Variants in SPAG16 observed in about 807,000 individuals in gnomAD.
SPAG16 encodes sperm associated antigen 16.
In SPAG16, 86 loss-of-function variants were observed where a neutral mutation model predicts 80.4. The ratio of observed to expected loss-of-function variants is 1.07; its 90% CI spans 0.90 to 1.28. The LOEUF is 1.28. SPAG16 is among the 50% of genes most tolerant of loss of function. SPAG16 has a pLI of 0.00. For missense variants in SPAG16, 870 were observed against 765.3 expected, an observed-to-expected ratio of 1.14 and a Z score of -1.61; for synonymous variants, 294 against 265.9, an observed-to-expected ratio of 1.11 and a Z score of -1.03.
intron 15 of SPAG16, among the ~76,000 whole-genome samples, chr2:214,392,403 G>A (rs772986850): frequency 7.2e-5 from 11 of 151,960 alleles, no homozygotes; most frequent in Non-Finnish European, 1.5e-4. Context: ...TGATCCACCC[G>A]CCTCAGCCTC....
intron 10 of SPAG16, among the ~76,000 whole-genome samples, chr2:213,658,469 C>T (rs970610014): frequency 2.6e-5 from 4 of 152,128 alleles, no homozygotes; most frequent in South Asian, 2.1e-4. Context: ...TCTTCTTTAT[C>T]CCTGTACCTT....
intron 15 of SPAG16, among the ~76,000 whole-genome samples, chr2:214,258,461 A>ATGTGTGTGTGTG (rs1319528567): frequency 7.3e-5 from 8 of 109,386 alleles, no homozygotes; most frequent in African/African-American, 2.3e-4. Flanking sequence ...GTGTGTATGT[A>ATGTGTGTGTGTG]TGTGTGTGTG....
chr2:213,786,006 T>TAA (rs769518490), intron 10 of SPAG16, among the ~76,000 whole-genome samples: 1 of 140,770 alleles, frequency 7.1e-6, no homozygotes, highest in Non-Finnish European at 1.6e-5. Context: ...AAACTCCGTC[T>TAA]AAAAAAAAAA....
intron 10 of SPAG16, among the ~76,000 whole-genome samples, chr2:213,659,750 T>C (rs1033381575): frequency 8.5e-5 from 13 of 152,174 alleles, no homozygotes; most frequent in Non-Finnish European, 1.6e-4. Context: ...GTATTTTTTT[T>C]CCATTTTCTA....
intron 10 of SPAG16, among the ~76,000 whole-genome samples, chr2:213,580,909 G>GT (rs201266448): frequency 1.3e-5 from 2 of 151,948 alleles, no homozygotes; most frequent in African/African-American, 2.4e-5. Context: ...GTGTGTGTGT[G>GT]TTTTTTTACT....
intron 10 of SPAG16, among the ~76,000 whole-genome samples, chr2:213,669,320 G>A (rs560275489): frequency 1.3e-5 from 2 of 152,284 alleles, no homozygotes; most frequent in African/African-American, 2.4e-5. Context: ...TGGGATAGAA[G>A]AGTAAACATT....
chr2:214,050,333 G>A (rs1395212733), intron 13 of SPAG16, among the ~76,000 whole-genome samples: 3 of 151,722 alleles, frequency 2.0e-5, no homozygotes, highest in African/African-American at 4.8e-5. Flanking sequence ...CGGATCCCAG[G>A]ACTGCATATT....
At chr2:214,381,014 G>A (rs1700417446) in intron 15 of SPAG16, among the ~76,000 whole-genome samples, 1 of 152,202 alleles carries the variant, frequency 6.6e-6, no homozygotes, top group African/African-American at 2.4e-5. Flanking sequence ...TGGTCCTGCT[G>A]CATGTATTAA....
chr2:213,839,601 C>A (rs1160295883), intron 10 of SPAG16, among the ~76,000 whole-genome samples: 1 of 152,026 alleles, frequency 6.6e-6, no homozygotes, highest in Non-Finnish European at 1.5e-5. Flanking sequence ...CCAAAAACAA[C>A]AATTCTAAAA....
chr2:214,189,333 TA>T (rs960145291), intron 15 of SPAG16, among the ~76,000 whole-genome samples: 9 of 149,300 alleles, frequency 6.0e-5, no homozygotes, highest in African/African-American at 7.3e-5. Flanking sequence ...CAGTTCACAT[TA>T]AAAAAAAAAT....
At chr2:214,277,486 T>C (rs763449625) in intron 15 of SPAG16, among the ~76,000 whole-genome samples, 8 of 152,180 alleles carry the variant, frequency 5.3e-5, no homozygotes, top group Non-Finnish European at 1.0e-4. Flanking sequence ...GATGTCCTTT[T>C]TCTTGATGTT....
intron 13 of SPAG16, among the ~76,000 whole-genome samples, chr2:214,034,586 T>C (rs2048587981): frequency 6.6e-6 from 1 of 152,182 alleles, no homozygotes; most frequent in African/African-American, 2.4e-5. Flanking sequence ...CCACTGTGCA[T>C]AGCCAGGCAC....
At chr2:214,277,938 C>A (rs181083895) in intron 15 of SPAG16, among the ~76,000 whole-genome samples, 8 of 152,214 alleles carry the variant, frequency 5.3e-5, no homozygotes, top group Non-Finnish European at 5.9e-5. Flanking sequence ...AGGCAGCCCA[C>A]CTTGCTGGGC....
chr2:214,014,500 A>G (rs2047488817), intron 13 of SPAG16, among the ~76,000 whole-genome samples: 1 of 152,188 alleles, frequency 6.6e-6, no homozygotes, highest in African/African-American at 2.4e-5. Flanking sequence ...GAGGATTCAT[A>G]TCTGCTGGAA....
chr2:214,176,793 A>T (rs2057099613), intron 15 of SPAG16, among the ~76,000 whole-genome samples: 1 of 149,528 alleles, frequency 6.7e-6, no homozygotes, highest in Non-Finnish European at 1.5e-5. Flanking sequence ...AAGAGTCTCT[A>T]GTGGAATTTA....
chr2:214,058,925 A>G (rs1381865833), intron 13 of SPAG16, among the ~76,000 whole-genome samples: 1 of 152,074 alleles, frequency 6.6e-6, no homozygotes, highest in African/African-American at 2.4e-5. Flanking sequence ...CTGAAAGGTT[A>G]ATGAATTCTT....
At chr2:213,874,037 C>G (rs1459940885) in intron 11 of SPAG16, among the ~76,000 whole-genome samples, 1 of 151,998 alleles carries the variant, frequency 6.6e-6, no homozygotes, top group East Asian at 1.9e-4. Context: ...TATAGAAACA[C>G]AGAAAGATAT....
chr2:213,833,588 T>TATATATATTATATATATATA (rs2073919778), intron 10 of SPAG16, among the ~76,000 whole-genome samples: 2 of 57,990 alleles, frequency 3.4e-5, no homozygotes, highest in South Asian at 4.2e-4. Context: ...ATATATATAT[T>TATATATATTATATATATATA]ATATATATAT....
intron 11 of SPAG16, among the ~76,000 whole-genome samples, chr2:213,900,389 ACC>A (rs1162293082): frequency 6.6e-6 from 1 of 152,122 alleles, no homozygotes; most frequent in African/African-American, 2.4e-5. Flanking sequence ...TATACAAAAC[ACC>A]GATATTAAAA....
Sources: allele counts gnomAD v4.1 joint callset (sites outside exome capture counted in the v4.1 genomes callset), GRCh38; gene constraint gnomAD v4.1.1; transcripts MANE v1.5; gene names NCBI Gene and HGNC (gene_info 2026-07-23, HGNC 2026-07-21).